KCNK17: variants seen among roughly 807,000 people sequenced by gnomAD.
KCNK17 encodes the protein potassium two pore domain channel subfamily K member 17, also known as potassium channel subfamily K member 17.
In KCNK17, 27 loss-of-function variants were observed where a neutral mutation model predicts 24.6. The observed-to-expected ratio is 1.10, with a 90% CI of 0.81 to 1.51. KCNK17 has a LOEUF of 1.51. KCNK17 is among the 40% of genes most tolerant of loss of function. The pLI, the probability that KCNK17 is intolerant of heterozygous loss-of-function variation, is 0.00. For missense variants in KCNK17, 450 were observed against 436.6 expected, an observed-to-expected ratio of 1.03 and a Z score of -0.27; for synonymous variants, 181 against 189.8, an observed-to-expected ratio of 0.95 and a Z score of 0.38.
rs745806536 is a variant in KCNK17, at chr6:39,314,151, C to A, written c.170G>T (p.Arg57Leu). ...AAQDSSRSFQ[R>L]DKWELLQNFT... ...GTTCTGCAACAGCTCCCACTTGTCG[C>A]GCTGGAAGCTGCGGCTGGAGTCCTG... is the stretch of plus-strand genomic sequence containing the variant. Residue 57 changes from arginine (R) to leucine (L), a missense_variant, in exon 1 of 5, where the codon CGC becomes CTC. Coordinates refer to ENST00000373231, the MANE Select transcript of KCNK17 (RefSeq NM_031460.4). 1.3e-6 allele frequency: 2 copies of A among 1,583,446 alleles called. No individual in the cohort carries two copies. Among genetic ancestry groups the A allele is most frequent in the African/African-American group, 1.3e-5 (1 of 74,376 alleles).
At position 39,304,737 on chromosome 6, in the gene KCNK17, C is replaced by T. The variant is rs879085291; in HGVS notation, c.353-82G>A. On this transcript the variant is annotated intron_variant, in intron 2 of 4. Coordinates refer to ENST00000373231, the MANE Select transcript of KCNK17 (RefSeq NM_031460.4). ...ACCACAGCCCCACTCCTGGGCCCAA[C>T]CCCCAGGGCCCTCATTCTAACCCAC... The T allele has an allele frequency of 1.9e-5, 27 of 1,435,164 alleles. No homozygotes were observed. The African/African-American group carries it at 2.7e-4, about 14-fold the overall frequency. The allele number at this position is 1,435,164 out of a possible 1,614,324, so 88.9% of individuals were successfully genotyped here. A position where few individuals can be genotyped will look rare whatever the true frequency, so the allele number is the denominator to read the frequency against.
chr6:39,314,281 C>T lies in KCNK17; in HGVS notation c.40G>A (p.Val14Ile), dbSNP rs1206459873. 2.0e-6 allele frequency: 3 copies of T among 1,493,054 alleles called. No individual in the cohort carries two copies. The highest frequency in any genetic ancestry group is 2.2e-5 in the Admixed American group (1 of 45,664). 92.5% of individuals were successfully genotyped at this position (1,493,054 alleles called of 1,614,324 possible). ...PRARAAPEGR[V>I]RGCAVPSTVL... Reference sequence around the variant, plus strand: ...GTGCTGGGCACCGCGCAGCCCCGGACCCTGCCCTCGGGAGCCGCCCGGGCT... The same window carrying T: ...GTGCTGGGCACCGCGCAGCCCCGGATCCTGCCCTCGGGAGCCGCCCGGGCT... Residue 14 changes from valine to isoleucine, a missense_variant, in exon 1 of 5, where the codon GTC (valine) becomes ATC (isoleucine). Val to Ile is a conservative substitution (Grantham distance 29). Transcript: ENST00000373231.
intron 2 of KCNK17, among the ~76,000 whole-genome samples, chr6:39,310,020 C>T (rs1396042833): frequency 2.0e-5 from 3 of 152,204 alleles, no homozygotes; most frequent in African/African-American, 7.2e-5. Flanking sequence ...CCTTACCCAA[C>T]CCTGTGGGGA....
chr6:39,310,400 A>G (rs1762112317), intron 2 of KCNK17, among the ~76,000 whole-genome samples: 1 of 151,986 alleles, frequency 6.6e-6, no homozygotes, highest in Non-Finnish European at 1.5e-5. Context: ...AGACAAGGAC[A>G]TGGGAGGAAT....
intron 4 of KCNK17, among the ~76,000 whole-genome samples, chr6:39,300,958 A>G (rs1761942923): frequency 6.6e-6 from 1 of 152,028 alleles, no homozygotes; most frequent in Non-Finnish European, 1.5e-5. Context: ...TTACTTCCTC[A>G]TCTGTAAAAT....
In KCNK17 at chr6:39,304,567, C is replaced by CACCACGAGGTTGAGT. The variant is rs1404860566; in HGVS notation, c.426_440dup (p.Leu145_Asn149dup). ...GCATGAGATGCCCCAGTCGGTTGAG[C>CACCACGAGGTTGAGT]ACCACGAGGTTGAGTGGGATCCCCA... is the stretch of plus-strand genomic sequence containing the variant. On this transcript the variant is annotated inframe_insertion, in exon 3 of 5. Coordinates refer to ENST00000373231, the MANE Select transcript of KCNK17 (RefSeq NM_031460.4). The CACCACGAGGTTGAGT allele has an allele frequency of 6.2e-7, 1 of 1,614,152 alleles. No homozygotes were observed. The highest frequency in any genetic ancestry group is 8.5e-7 in the Non-Finnish European group (1 of 1,179,996).
intron 2 of KCNK17, 34 bp from the exon 3 acceptor site, chr6:39,304,689 C>T: frequency 6.3e-7 from 1 of 1,595,726 alleles, no homozygotes; most frequent in South Asian, 1.1e-5. Flanking sequence ...GGGACATTTC[C>T]AGCCCAGCCC....
rs115854519 is a variant in KCNK17, at chr6:39,300,540, T to C, written c.689-803A>G. 2.8e-3 allele frequency: 4,409 copies of C among 1,550,512 alleles called. 76 individuals carry two copies. In the African/African-American group the frequency reaches 0.048, roughly 17 times the overall value. On this transcript the variant is annotated intron_variant, in intron 4 of 4. Transcript: ENST00000373231. Reference sequence around the variant, plus strand: ...GGCAGCTTGCTGGAGCCAGGGGATTTGGGATGAACAATGGAACCATAAGAA... The same window carrying C: ...GGCAGCTTGCTGGAGCCAGGGGATTCGGGATGAACAATGGAACCATAAGAA...
At chr6:39,312,183 G>A (rs771018554) in intron 1 of KCNK17, among the ~76,000 whole-genome samples, 1 of 152,178 alleles carries the variant, frequency 6.6e-6, no homozygotes, top group Non-Finnish European at 1.5e-5. Flanking sequence ...AGGGTGTGTG[G>A]ACATGGGGCA....
At chr6:39,302,524 G>A (rs1761965039) in intron 4 of KCNK17, among the ~76,000 whole-genome samples, 1 of 152,216 alleles carries the variant, frequency 6.6e-6, no homozygotes, top group South Asian at 2.1e-4. Flanking sequence ...AAGTCCCTGG[G>A]TGCCATCCTT....
At chr6:39,311,343 A>G (rs936547382) in intron 1 of KCNK17, among the ~76,000 whole-genome samples, 10 of 152,046 alleles carry the variant, frequency 6.6e-5, no homozygotes, top group African/African-American at 2.4e-4. Flanking sequence ...TGCAACAAAC[A>G]CTAGGCCAGG....
chr6:39,300,225 C>T (rs188905992), intron 4 of KCNK17: 33 of 510,620 alleles, frequency 6.5e-5, no homozygotes, highest in Middle Eastern at 1.1e-3. Flanking sequence ...TGGGTTCAAG[C>T]GATTCTCCTG....
rs988005743 is a variant in KCNK17, at chr6:39,303,969, C to T, written c.676G>A (p.Asp226Asn). 18 of 1,612,500 alleles carry T rather than the reference C, an allele frequency of 1.1e-5. No individual in the cohort carries two copies. The highest frequency in any genetic ancestry group is 5.3e-5 in the African/African-American group (4 of 74,898). Residue 226 changes from aspartate (D) to asparagine (N), a missense_variant, in exon 4 of 5, where the codon GAC becomes AAC. Physicochemically the swap from Asp to Asn is conservative, Grantham distance 23 (BLOSUM62 1). Coordinates refer to ENST00000373231, the MANE Select transcript of KCNK17 (RefSeq NM_031460.4). ...CAGGAACTCTCACCAATCACGTAGT[C>T]GCCGAAGCCCACGGTGCTGAGGGTG... is the stretch of plus-strand genomic sequence containing the variant. ...FITLSTVGFG[D>N]YVIGMNPSQR... is the part of the protein sequence containing the mutation.
At chr6:39,300,594 C>T in intron 4 of KCNK17, 4 of 1,424,560 alleles carry the variant, frequency 2.8e-6, no homozygotes, top group Admixed American at 2.0e-5. Context: ...TCTTCAGCCA[C>T]CTGTCTGAAC....
chr6:39,306,282 G>A (rs1217888599), intron 2 of KCNK17, among the ~76,000 whole-genome samples: 1 of 152,168 alleles, frequency 6.6e-6, no homozygotes, highest in Non-Finnish European at 1.5e-5. Flanking sequence ...GACCTCAGGC[G>A]ATCTGCCCGC....
In KCNK17 at chr6:39,310,872, CTGG is replaced by C; in HGVS notation, c.352+18_352+20del. ...GCCTCCTTCCCCCACCCCCATCCCC[CTGG>C]CCCCATCTGGCCCTTACCAATGGTG... On this transcript the variant is annotated intron_variant, in intron 2 of 4. Coordinates refer to ENST00000373231, the MANE Select transcript of KCNK17 (RefSeq NM_031460.4). 1.4e-6 allele frequency: 2 copies of C among 1,442,372 alleles called. No individual in the cohort carries two copies. Among genetic ancestry groups the C allele is most frequent in the Non-Finnish European group, 1.9e-6 (2 of 1,038,108 alleles). The allele number at this position is 1,442,372 out of a possible 1,614,324, so 89.3% of individuals were successfully genotyped here. A position where few individuals can be genotyped will look rare whatever the true frequency, so the allele number is the denominator to read the frequency against.
intron 3 of KCNK17, 181 bp from the exon 4 acceptor site, chr6:39,304,312 C>T: frequency 1.3e-6 from 1 of 773,096 alleles, no homozygotes; most frequent in Non-Finnish European, 2.1e-6. Context: ...CCCAGTCCCA[C>T]CCCATCTCCA....
At chr6:39,311,880 T>C (rs1194954817) in intron 1 of KCNK17, among the ~76,000 whole-genome samples, 2 of 151,870 alleles carry the variant, frequency 1.3e-5, no homozygotes, top group African/African-American at 4.8e-5. Context: ...TGGTAAGAAG[T>C]GATTGAGGCC....
Position 39,299,403 on chromosome 6 carries a change from C to T in KCNK17, c.*24G>A, listed in dbSNP as rs564673205. The T allele has an allele frequency of 1.3e-5, 20 of 1,579,950 alleles. No homozygotes were observed. The highest frequency in any genetic ancestry group is 4.0e-5 in the African/African-American group (3 of 74,224). ...AAATCAGGGGTCTTGCTACCGAGGA[C>T]GACGACCAAAGAATGGAGTATAACT... On this transcript the variant is annotated 3_prime_UTR_variant, in exon 5 of 5. Coordinates refer to ENST00000373231, the MANE Select transcript of KCNK17 (RefSeq NM_031460.4).
Sources: gnomAD v4.1 joint callset for allele counts (sites outside exome capture counted in the v4.1 genomes callset) on GRCh38, gnomAD v4.1.1 for gene constraint, MANE v1.5 for transcripts, NCBI Gene and HGNC (gene_info 2026-07-23, HGNC 2026-07-21) for gene names.